PLEKHG1: variants seen among roughly 807,000 people sequenced by gnomAD.
PLEKHG1 encodes the protein pleckstrin homology domain-containing family G member 1.
A neutral mutation model predicts 100.8 loss-of-function variants in PLEKHG1; 44 were observed. The ratio of observed to expected loss-of-function variants is 0.44; its 90% confidence interval spans 0.34 to 0.56. The LOEUF (loss-of-function observed/expected upper bound fraction) is 0.56, where lower values mean the gene tolerates loss of function less well. Ranked by LOEUF, PLEKHG1 falls within the 20% of genes least tolerant of loss-of-function variation. PLEKHG1 has a pLI of 0.01. For missense variants in PLEKHG1, 1,545 were observed against 1,720.9 expected (o/e 0.90, Z 1.81); for synonymous variants, 640 against 662.5 (o/e 0.97, Z 0.52).
chr6:150,619,706 G>A (rs1777216508), intron 1 of PLEKHG1, among the ~76,000 whole-genome samples: 1 of 152,190 alleles, frequency 6.6e-6, no homozygotes, highest in Non-Finnish European at 1.5e-5. Flanking sequence ...AATAAAATGT[G>A]TGCTTCTGGA....
intron 3 of PLEKHG1, among the ~76,000 whole-genome samples, chr6:150,654,127 A>C (rs1778866891): frequency 6.6e-6 from 1 of 152,158 alleles, no homozygotes; most frequent in African/African-American, 2.4e-5. Context: ...TAGAGCTGCC[A>C]CTTAGGGCAC....
chr6:150,688,513 G>A (rs1258829905), intron 3 of PLEKHG1, among the ~76,000 whole-genome samples: 1 of 151,888 alleles, frequency 6.6e-6, no homozygotes, highest in East Asian at 1.9e-4. Flanking sequence ...GTAGAAACAG[G>A]GCTTCACCAT....
chr6:150,840,370 A>T, exon 16 of PLEKHG1: 1 of 1,614,222 alleles, frequency 6.2e-7, no homozygotes, highest in Non-Finnish European at 8.5e-7. Context: ...CTGTCTTTAC[A>T]CAGAAGTTCA....
chr6:150,772,069 C>T (rs1438817601), intron 3 of PLEKHG1, among the ~76,000 whole-genome samples: 2 of 152,184 alleles, frequency 1.3e-5, no homozygotes, highest in African/African-American at 4.8e-5. Context: ...GAGAATGGCA[C>T]CCTGATGTGT....
chr6:150,614,376 C>G (rs1776974303), intron 1 of PLEKHG1, among the ~76,000 whole-genome samples: 1 of 152,190 alleles, frequency 6.6e-6, no homozygotes, highest in African/African-American at 2.4e-5. Context: ...GTACTATTTT[C>G]TAGCTAGTTC....
intron 2 of PLEKHG1, among the ~76,000 whole-genome samples, chr6:150,641,876 CAAAAAAAAAAAA>C (rs71554473): frequency 1.3e-5 from 1 of 76,798 alleles, no homozygotes; most frequent in Admixed American, 2.2e-4. Context: ...TGTGAAAAGG[CAAAAAAAAAAAA>C]AAAAAAAAAA....
intron 1 of PLEKHG1, among the ~76,000 whole-genome samples, chr6:150,723,746 A>T (rs1281640120): frequency 1.3e-5 from 2 of 152,210 alleles, no homozygotes; most frequent in African/African-American, 4.8e-5. Context: ...GTTCTCTCTT[A>T]TTGCTTAACC....
At chr6:150,645,734 C>T (rs1174538741) in intron 2 of PLEKHG1, among the ~76,000 whole-genome samples, 3 of 152,138 alleles carry the variant, frequency 2.0e-5, no homozygotes, top group African/African-American at 7.2e-5. Context: ...AATTGTGTAG[C>T]ACCAAGTGTT....
intron 9 of PLEKHG1, 33 bp downstream of exon 10, chr6:150,809,509 C>CCCTT (rs1482411608): frequency 6.4e-7 from 1 of 1,570,906 alleles, no homozygotes; most frequent in Non-Finnish European, 8.8e-7. Context: ...TCCGCAAGGC[C>CCCTT]CCTTTGTGTA....
At chr6:150,799,583 G>A (rs1583154847) in intron 5 of PLEKHG1, among the ~76,000 whole-genome samples, 1 of 152,204 alleles carries the variant, frequency 6.6e-6, no homozygotes, top group Admixed American at 6.5e-5. Flanking sequence ...GGGCTACAGA[G>A]CAGCCGATTC....
At chr6:150,812,913 G>A (rs1455960015) in intron 10 of PLEKHG1, among the ~76,000 whole-genome samples, 2 of 152,124 alleles carry the variant, frequency 1.3e-5, no homozygotes, top group Non-Finnish European at 2.9e-5. Flanking sequence ...CTTGGGGGAA[G>A]ACAAAGGGTT....
chr6:150,636,393 A>C (rs1363781801), intron 1 of PLEKHG1, among the ~76,000 whole-genome samples: 4 of 152,086 alleles, frequency 2.6e-5, no homozygotes, highest in African/African-American at 9.7e-5. Context: ...ACGTGGATGA[A>C]CTCTGGTTTC....
At chr6:150,642,546 T>G (rs1163078284) in intron 2 of PLEKHG1, among the ~76,000 whole-genome samples, 8 of 152,244 alleles carry the variant, frequency 5.3e-5, no homozygotes, top group African/African-American at 1.9e-4. Flanking sequence ...AGTTGTATTT[T>G]GTTATGCTTT....
intron 5 of PLEKHG1, among the ~76,000 whole-genome samples, chr6:150,799,439 G>A (rs570184688): frequency 1.3e-5 from 2 of 152,280 alleles, no homozygotes; most frequent in South Asian, 2.1e-4. Context: ...AGGGAGGGAC[G>A]CAAACCCAGC....
intron 1 of PLEKHG1, chr6:150,633,170 A>G (rs151225180): frequency 5.9e-5 from 9 of 152,352 alleles, no homozygotes; most frequent in African/African-American, 1.7e-4. Flanking sequence ...ATGAGACCCA[A>G]TTTCTGCACT....
At chr6:150,719,653 C>G (rs140761367), upstream of PLEKHG1, among the ~76,000 whole-genome samples, 1,971 of 152,232 alleles carry the variant, frequency 0.013, 25 homozygotes, top group South Asian at 0.046. Context: ...TGAGCTGGCT[C>G]TTCGTTGAGC....
intron 3 of PLEKHG1, among the ~76,000 whole-genome samples, chr6:150,679,899 G>A (rs1018467091): frequency 2.0e-5 from 3 of 152,232 alleles, no homozygotes; most frequent in Non-Finnish European, 4.4e-5. Context: ...TGAGGCGGGG[G>A]CAGAAAAGCA....
Position 150,676,697 on chromosome 6 carries a change from A to G in PLEKHG1, c.-99+25911A>G, listed in dbSNP as rs544862904. 5.7e-4 allele frequency among the ~76,000 whole-genome samples: 87 copies of G among 152,350 alleles called. 1 individual carries two copies. The highest frequency in any genetic ancestry group is 2.0e-3 in the African/African-American group (84 of 41,586). ...GCTGGTGCAACTTAAAGGCACTAAC[A>G]TAATTCATGTTCAAAAATGTCTTCA... On this transcript the variant is annotated intron_variant, in intron 3 of 3. Coordinates refer to the PLEKHG1 transcript ENST00000367326.
intron 2 of PLEKHG1, among the ~76,000 whole-genome samples, chr6:150,766,504 A>G (rs908766322): frequency 2.6e-5 from 4 of 152,216 alleles, no homozygotes; most frequent in African/African-American, 9.6e-5. Flanking sequence ...TAAAAGATGT[A>G]CTTATGATCA....
Sources: gnomAD v4.1 joint callset for allele counts (sites outside exome capture counted in the v4.1 genomes callset) on GRCh38, gnomAD v4.1.1 for gene constraint, MANE v1.5 for transcripts, NCBI Gene and HGNC (gene_info 2026-07-23, HGNC 2026-07-21) for gene names.